Variants in HMCES observed in about 807,000 individuals in gnomAD.
The protein encoded by HMCES is abasic site processing protein HMCES.
HMCES carries 27 observed loss-of-function variants against 35.1 expected under a neutral mutation model. That is an observed-to-expected ratio of 0.77 (90% confidence interval 0.57 to 1.06). The LOEUF (loss-of-function observed/expected upper bound fraction) is 1.06. HMCES is among the 50% of genes least tolerant of loss of function. The pLI is 0.00. For missense variants in HMCES, 391 were observed against 430.4 expected, an observed-to-expected ratio of 0.91 and a Z score of 0.81; for synonymous variants, 130 against 154.7, an observed-to-expected ratio of 0.84 and a Z score of 1.18.
At chr3:129,283,312 G>A (rs1017907610) in intron 2 of HMCES, among the ~76,000 whole-genome samples, 1 of 151,370 alleles carries the variant, frequency 6.6e-6, no homozygotes, top group East Asian at 1.9e-4. Flanking sequence ...GCACTGAGCT[G>A]GGGGTCCTTC....
Position 129,279,941 on chromosome 3 carries a change from C to T in HMCES, c.183+26C>T. On this transcript the variant is annotated intron_variant, in intron 2 of 6. Coordinates refer to ENST00000383463, the MANE Select transcript of HMCES (RefSeq NM_020187.3). The surrounding 1 kb of genome is among the most constrained non-coding windows in gnomAD (Gnocchi z 4.2). ...GTAACCAGCATTGCACTATGCTAGC[C>T]CCTCGCCCAGCCTCGTGATGGTCAT... The T allele has an allele frequency of 1.4e-5, 21 of 1,516,540 alleles. No homozygotes were observed. Among genetic ancestry groups the T allele is most frequent in the Non-Finnish European group, 1.9e-5 (21 of 1,133,298 alleles). The allele number at this position is 1,516,540 out of a possible 1,614,324, so 93.9% of individuals were successfully genotyped here.
intron 4 of HMCES, among the ~76,000 whole-genome samples, chr3:129,296,339 G>T (rs2071092598): frequency 6.6e-6 from 1 of 152,172 alleles, no homozygotes; most frequent in Non-Finnish European, 1.5e-5. Flanking sequence ...GGGATTACAG[G>T]CATGAGCCTC....
intron 2 of HMCES, among the ~76,000 whole-genome samples, chr3:129,284,732 G>A (rs981324576): frequency 6.6e-6 from 1 of 152,196 alleles, no homozygotes; most frequent in African/African-American, 2.4e-5. Context: ...AACCAACATA[G>A]TGAAACCCTG....
intron 4 of HMCES, among the ~76,000 whole-genome samples, chr3:129,291,747 T>C (rs921640316): frequency 3.9e-5 from 6 of 152,224 alleles, no homozygotes; most frequent in Admixed American, 2.6e-4. Context: ...TAGGTCATAT[T>C]ACAACTCTAC....
chr3:129,280,060 T>C, intron 2 of HMCES, 145 bp downstream of exon 2: 1 of 638,388 alleles, frequency 1.6e-6, no homozygotes. Flanking sequence ...AGAACCTCTC[T>C]TGGCCTCATG....
At chr3:129,281,535 A>G (rs1389894453) in intron 2 of HMCES, among the ~76,000 whole-genome samples, 1 of 151,900 alleles carries the variant, frequency 6.6e-6, no homozygotes, top group Admixed American at 6.6e-5. Flanking sequence ...TACTGCAAAT[A>G]CAAAAATTAG....
At chr3:129,288,198 C>G (rs1038006448) in intron 2 of HMCES, among the ~76,000 whole-genome samples, 1 of 152,122 alleles carries the variant, frequency 6.6e-6, no homozygotes, top group Non-Finnish European at 1.5e-5. Context: ...TCACCTGAGC[C>G]CAGGAATTCA....
rs1178529999 is a variant in HMCES at position 129,305,863 on chromosome 3, G to A, written c.*1038G>A. 6.6e-6 allele frequency: 1 copy of A among 152,336 alleles called. No individual in the cohort carries two copies. Among genetic ancestry groups the A allele is most frequent in the Non-Finnish European group, 1.5e-5 (1 of 68,102 alleles). The allele number at this position is 152,336 out of a possible 1,614,324, so 9.4% of individuals were successfully genotyped here. On this transcript the variant is annotated 3_prime_UTR_variant, in exon 7 of 7. Transcript: ENST00000383463. ...CTGTAACTGCTAATGGGAGACAGCA[G>A]CGCCACGCCACAGGCTTTTCCCCTG...
At chr3:129,285,179 C>A (rs1173117157) in intron 2 of HMCES, among the ~76,000 whole-genome samples, 2 of 152,114 alleles carry the variant, frequency 1.3e-5, no homozygotes, top group East Asian at 1.9e-4. Flanking sequence ...CAGGTTAAAT[C>A]CTGTACATGA....
At chr3:129,293,084 A>G (rs2071044497) in intron 4 of HMCES, among the ~76,000 whole-genome samples, 1 of 152,178 alleles carries the variant, frequency 6.6e-6, no homozygotes, top group Admixed American at 6.6e-5. Context: ...CTAGTCAGTT[A>G]TTGGTTCCAA....
At chr3:129,281,843 T>TA (rs1358483099) in intron 2 of HMCES, among the ~76,000 whole-genome samples, 432 of 103,062 alleles carry the variant, frequency 4.2e-3, no homozygotes, top group Middle Eastern at 0.035. Context: ...GTCTGTACTA[T>TA]AAAAAAAAAA....
chr3:129,286,423 C>A (rs1299966349), intron 2 of HMCES, among the ~76,000 whole-genome samples: 1 of 152,182 alleles, frequency 6.6e-6, no homozygotes, highest in East Asian at 1.9e-4. Context: ...TGAGATAAAT[C>A]ATATAGTATC....
At position 129,306,076 on chromosome 3, in the gene HMCES, AT is replaced by A. The variant is rs1416643120; in HGVS notation, c.*1254del. Reference sequence around the variant, plus strand: ...AGGCGGGGGCCTCCCTTGTGGACTGATTTGCGTGGGATTTGGTTGTTTTATT... The same window carrying A: ...AGGCGGGGGCCTCCCTTGTGGACTGATTGCGTGGGATTTGGTTGTTTTATT... On this transcript the variant is annotated 3_prime_UTR_variant, in exon 7 of 7. Coordinates refer to ENST00000383463, the MANE Select transcript of HMCES (RefSeq NM_020187.3). The A allele has an allele frequency of 6.6e-6, 1 of 152,106 alleles. No individual in the cohort carries two copies. The highest frequency in any genetic ancestry group is 1.5e-5 in the Non-Finnish European group (1 of 68,026). 9.4% of individuals were successfully genotyped at this position (152,106 alleles called of 1,614,324 possible). A position where few individuals can be genotyped will look rare whatever the true frequency, so the allele number is the denominator to read the frequency against.
intron 4 of HMCES, among the ~76,000 whole-genome samples, chr3:129,296,674 T>C (rs2071096733): frequency 6.6e-6 from 1 of 152,234 alleles, no homozygotes; most frequent in Non-Finnish European, 1.5e-5. Context: ...TGGAAATTCT[T>C]CTATTAGGCC....
At chr3:129,300,171 TA>T (rs2071145799) in intron 5 of HMCES, among the ~76,000 whole-genome samples, 1 of 92,216 alleles carries the variant, frequency 1.1e-5, no homozygotes, top group African/African-American at 9.4e-5. Context: ...CATCTTTATA[TA>T]TATATATATA....
At chr3:129,285,817 C>T (rs1158724156) in intron 2 of HMCES, among the ~76,000 whole-genome samples, 1 of 151,482 alleles carries the variant, frequency 6.6e-6, no homozygotes. Context: ...GCAACCTGCA[C>T]CTCCCGAGCT....
intron 4 of HMCES, among the ~76,000 whole-genome samples, chr3:129,292,516 A>C (rs797012840): frequency 1.6e-3 from 237 of 144,636 alleles, no homozygotes; most frequent in African/African-American, 5.8e-3. Flanking sequence ...TTTTTGAGAC[A>C]GAGTCTCTCT....
chr3:129,292,347 A>T lies in HMCES; in HGVS notation c.453+1543A>T, dbSNP rs577454025. Among the ~76,000 whole-genome samples, 5 of 151,234 alleles carry T rather than the reference A, an allele frequency of 3.3e-5. No individual in the cohort carries two copies. In the East Asian group the frequency reaches 1.0e-3, roughly 30 times the overall value. ...GCTACCCAATGTGCTAGAAGCCAAT[A>T]CCATGATACTGAGTAGCTGGTCCCA... is the stretch of plus-strand genomic sequence containing the variant. On this transcript the variant is annotated intron_variant, in intron 4 of 6. Transcript: ENST00000383463.
intron 5 of HMCES, among the ~76,000 whole-genome samples, chr3:129,300,623 G>A (rs1318853403): frequency 1.3e-5 from 2 of 152,122 alleles, no homozygotes; most frequent in Non-Finnish European, 2.9e-5. Flanking sequence ...GTGGCCAGGC[G>A]CAGTGGCTCA....
Sources: allele counts gnomAD v4.1 joint callset (sites outside exome capture counted in the v4.1 genomes callset), GRCh38; gene constraint gnomAD v4.1.1; non-coding constraint Gnocchi (gnomAD v3.1); transcripts MANE v1.5; gene names NCBI Gene and HGNC (gene_info 2026-07-23, HGNC 2026-07-21).